CNTN6: variants seen among roughly 807,000 people sequenced by gnomAD.
The protein encoded by CNTN6 is contactin-6.
Under a neutral mutation model 122.8 loss-of-function variants are expected in CNTN6, and 137 were observed. The observed-to-expected ratio is 1.12, with a 90% confidence interval of 0.97 to 1.29. The LOEUF is 1.29. Among genes scored for constraint, CNTN6 ranks in the 50% most tolerant of loss-of-function variants. CNTN6 has a pLI of 0.00. For synonymous variants in CNTN6, 570 were observed against 426.0 expected (o/e 1.34, Z -4.16); for missense variants, 1,634 against 1,223.4 (o/e 1.34, Z -5.01).
intron 5 of CNTN6, among the ~76,000 whole-genome samples, chr3:1,283,366 A>G (rs1439150838): frequency 6.6e-6 from 1 of 151,998 alleles, no homozygotes; most frequent in Non-Finnish European, 1.5e-5. Context: ...ATGGATTCTC[A>G]CTCACCTCCA....
chr3:1,190,115 TTCTCA>T, intron 2 of CNTN6, among the ~76,000 whole-genome samples: 1 of 152,148 alleles, frequency 6.6e-6, no homozygotes, highest in East Asian at 1.9e-4. Flanking sequence ...GACGGCAGCC[TTCTCA>T]CTGCATCCTC....
chr3:1,099,394 T>C (rs530825418), intron 1 of CNTN6, among the ~76,000 whole-genome samples: 1 of 152,048 alleles, frequency 6.6e-6, no homozygotes, highest in Non-Finnish European at 1.5e-5. Context: ...GAGCTTGCAG[T>C]GAGCCGAGAT....
At chr3:1,223,681 A>C (rs111706678) in intron 3 of CNTN6, among the ~76,000 whole-genome samples, 3 of 152,332 alleles carry the variant, frequency 2.0e-5, no homozygotes, top group African/African-American at 7.2e-5. Flanking sequence ...ATTATTTCTA[A>C]ATAGAATATA....
chr3:1,241,802 T>C (rs2094489064), intron 4 of CNTN6, among the ~76,000 whole-genome samples: 1 of 152,240 alleles, frequency 6.6e-6, no homozygotes, highest in African/African-American at 2.4e-5. Context: ...GGAGGACAAC[T>C]GCAGCTAAAG....
intron 4 of CNTN6, among the ~76,000 whole-genome samples, chr3:1,272,030 T>G (rs2095035855): frequency 6.6e-6 from 1 of 152,148 alleles, no homozygotes; most frequent in Non-Finnish European, 1.5e-5. Context: ...GTTCTCCTGT[T>G]AGTGAATAAG....
At chr3:1,157,981 T>C (rs929946227) in intron 2 of CNTN6, among the ~76,000 whole-genome samples, 2 of 152,208 alleles carry the variant, frequency 1.3e-5, no homozygotes, top group South Asian at 2.1e-4. Flanking sequence ...ATCTTCGATA[T>C]ATTGATTTCC....
chr3:1,295,767 T>C lies in CNTN6; in HGVS notation c.621T>C (p.Val207=), dbSNP rs1696119727. ...FITNKEAQRS[V]QGPPTPLVQR... ...CTAACAAAGAGGCCCAGAGAAGTGT[T>C]CAAGGTCCACCCACTCCATTAGTGC... is the stretch of plus-strand genomic sequence containing the variant. Residue 207 remains valine, a synonymous_variant, in exon 6 of 23, where the codon GTT becomes GTC. Transcript: ENST00000446702. 8 of 1,613,870 alleles carry C rather than the reference T, an allele frequency of 5.0e-6. No homozygotes were observed. Among genetic ancestry groups the C allele is most frequent in the Non-Finnish European group, 6.8e-6 (8 of 1,179,888 alleles).
chr3:1,390,237 G>C (rs1185984320), intron 20 of CNTN6, among the ~76,000 whole-genome samples: 2 of 152,018 alleles, frequency 1.3e-5, no homozygotes, highest in East Asian at 1.9e-4. Flanking sequence ...AATCAAACTA[G>C]AACTCAAGAT....
At chr3:1,233,559 C>A (rs1344921279) in intron 4 of CNTN6, among the ~76,000 whole-genome samples, 2 of 151,662 alleles carry the variant, frequency 1.3e-5, no homozygotes, top group Non-Finnish European at 1.5e-5. Context: ...CATAGTGAAA[C>A]CACGTCTCTA....
chr3:1,232,170 C>G (rs1224024383), intron 4 of CNTN6, among the ~76,000 whole-genome samples: 2 of 152,124 alleles, frequency 1.3e-5, no homozygotes, highest in Non-Finnish European at 2.9e-5. Context: ...AAAAGATAAA[C>G]ATTTATGATA....
chr3:1,232,505 A>T (rs1342555691), intron 4 of CNTN6, among the ~76,000 whole-genome samples: 3 of 152,260 alleles, frequency 2.0e-5, no homozygotes, highest in Non-Finnish European at 4.4e-5. Context: ...ACAAAGTATT[A>T]TGTGGCAGGC....
At chr3:1,360,773 TATC>T (rs1707345847) in intron 12 of CNTN6, among the ~76,000 whole-genome samples, 1 of 152,076 alleles carries the variant, frequency 6.6e-6, no homozygotes, top group Admixed American at 6.6e-5. Flanking sequence ...CAGCCTATTT[TATC>T]ATCTTCACTT....
At chr3:1,346,768 C>G (rs1037340304) in intron 11 of CNTN6, among the ~76,000 whole-genome samples, 14 of 152,188 alleles carry the variant, frequency 9.2e-5, no homozygotes, top group African/African-American at 3.1e-4. Context: ...GCATTAGTCT[C>G]GATGTAGTTC....
chr3:1,384,829 A>AACC (rs1692614800), intron 19 of CNTN6, among the ~76,000 whole-genome samples: 1 of 147,100 alleles, frequency 6.8e-6, no homozygotes, highest in African/African-American at 2.5e-5. Context: ...ATATATATAT[A>AACC]TAACCATAAT....
chr3:1,099,180 A>G (rs34034094), intron 1 of CNTN6, among the ~76,000 whole-genome samples: 137 of 152,270 alleles, frequency 9.0e-4, no homozygotes, highest in African/African-American at 1.2e-3. Context: ...CGCCGGGCTC[A>G]GTGGCTCACG....
chr3:1,252,840 C>G (rs150958892), intron 4 of CNTN6, among the ~76,000 whole-genome samples: 1 of 152,050 alleles, frequency 6.6e-6, no homozygotes, highest in South Asian at 2.1e-4. Context: ...GATGCATCTC[C>G]GAGAACCTTC....
Position 1,403,542 on chromosome 3 carries a change from A to T in CNTN6, c.*124A>T. 1 of 517,656 alleles carries T rather than the reference A, an allele frequency of 1.9e-6. No homozygotes were observed. The highest frequency in any genetic ancestry group is 3.4e-6 in the Non-Finnish European group (1 of 298,340). 32.1% of individuals were successfully genotyped at this position (517,656 alleles called of 1,614,324 possible). On this transcript the variant is annotated 3_prime_UTR_variant, in exon 23 of 23. Transcript: ENST00000446702. Reference sequence around the variant, plus strand: ...TGTTTGCAAAGAAAAAAAAAAGTATATTATTAAAATCCTGTAAATATCTAT... The same window carrying T: ...TGTTTGCAAAGAAAAAAAAAAGTATTTTATTAAAATCCTGTAAATATCTAT...
chr3:1,297,791 A>G (rs1696529380), intron 6 of CNTN6, 98 bp from the exon 7 acceptor site: 5 of 933,382 alleles, frequency 5.4e-6, no homozygotes, highest in East Asian at 2.4e-5. Flanking sequence ...CCTAACTCTT[A>G]TTAAGAAGAA....
intron 1 of CNTN6, among the ~76,000 whole-genome samples, chr3:1,097,505 A>G (rs772160903): frequency 1.3e-4 from 20 of 152,230 alleles, no homozygotes; most frequent in Non-Finnish European, 2.8e-4. Context: ...GCAAATAGCA[A>G]TTTCTCAGTG....
Sources: gnomAD v4.1 joint callset for allele counts (sites outside exome capture counted in the v4.1 genomes callset) on GRCh38, gnomAD v4.1.1 for gene constraint, MANE v1.5 for transcripts, NCBI Gene and HGNC (gene_info 2026-07-23, HGNC 2026-07-21) for gene names.